Variants in USH2A observed in about 807,000 individuals in gnomAD.
USH2A encodes usherin.
USH2A carries 443 observed loss-of-function variants against 538.9 expected under a neutral mutation model. The ratio of observed to expected loss-of-function variants is 0.82; its 90% CI spans 0.76 to 0.89. The LOEUF is 0.89. Among genes scored for constraint, USH2A ranks in the 40% least tolerant of loss-of-function variants. USH2A has a pLI of 0.00. For synonymous variants in USH2A, 2,413 were observed against 2,273.5 expected (o/e 1.06, Z -1.75); for missense variants, 6,633 against 6,324.8 (o/e 1.05, Z -1.65).
intron 58 of USH2A, among the ~76,000 whole-genome samples, chr1:215,756,025 C>T (rs575940780): frequency 3.9e-5 from 6 of 152,088 alleles, no homozygotes; most frequent in Non-Finnish European, 5.9e-5. Flanking sequence ...GGAACAAATA[C>T]GTTTTAAAAA....
chr1:216,210,316 C>T (rs928472365), intron 15 of USH2A, among the ~76,000 whole-genome samples: 20 of 152,076 alleles, frequency 1.3e-4, no homozygotes, highest in Non-Finnish European at 2.1e-4. Flanking sequence ...TGACAAACTG[C>T]GTCTGCACCC....
intron 61 of USH2A, among the ~76,000 whole-genome samples, chr1:215,682,138 G>C (rs927461937): frequency 3.9e-5 from 6 of 152,130 alleles, no homozygotes; most frequent in Non-Finnish European, 8.8e-5. Flanking sequence ...TGTGGAAATA[G>C]GGCAAACATG....
intron 64 of USH2A, among the ~76,000 whole-genome samples, chr1:215,662,016 G>T (rs1362436465): frequency 1.3e-5 from 2 of 152,302 alleles, no homozygotes; most frequent in South Asian, 4.2e-4. Context: ...CCCTGAAGGG[G>T]AGAGTGCATG....
chr1:215,868,599 T>C (rs998306002), intron 43 of USH2A, among the ~76,000 whole-genome samples: 1 of 152,212 alleles, frequency 6.6e-6, no homozygotes, highest in Non-Finnish European at 1.5e-5. Flanking sequence ...CCCAAGCCCC[T>C]GGTCCCTGTG....
chr1:215,944,667 T>C (rs1666715575), intron 37 of USH2A, among the ~76,000 whole-genome samples: 1 of 152,174 alleles, frequency 6.6e-6, no homozygotes, highest in African/African-American at 2.4e-5. Flanking sequence ...CTGGCTTATA[T>C]GGCTTATACA....
Position 215,804,780 on chromosome 1 carries a change from C to G in USH2A, c.9740-5655G>C, listed in dbSNP as rs142075427. Among the ~76,000 whole-genome samples, 587 of 152,282 alleles carry G rather than the reference C, an allele frequency of 3.9e-3. 5 individuals are homozygous for G. Among genetic ancestry groups the G allele is most frequent in the African/African-American group, 0.013 (532 of 41,548 alleles). On this transcript the variant is annotated intron_variant, in intron 49 of 71. Transcript: ENST00000307340. ...ACCATTTGACCCAGCCATCCCATTA[C>G]TGGGTACATACTCAAAGGATTGTAA... is the stretch of plus-strand genomic sequence containing the variant.
At position 215,680,292 on chromosome 1, in the gene USH2A, C is replaced by A. The variant is rs1262416703; in HGVS notation, c.12151G>T (p.Glu4051Ter). ...ATCAGAGTCCAAGGGCTTAAAATTTCTCCTGCATGGTTTGCAGCCACAACA... is the reference window on the plus strand; with the variant it reads ...ATCAGAGTCCAAGGGCTTAAAATTTATCCTGCATGGTTTGCAGCCACAACA... Reference protein sequence around the residue: ...IGVVAANHAGEILSPWTLIQT... With the variant: ...IGVVAANHAG The change falls in exon 62 of 72, where the codon GAA becomes TAA. Residue 4051 changes from glutamate (E) to a stop codon, truncating the protein, a stop_gained. Coordinates refer to ENST00000307340, the MANE Select transcript of USH2A (RefSeq NM_206933.4). LOFTEE classifies it high-confidence loss of function. 1 of 1,614,026 alleles carries A rather than the reference C, an allele frequency of 6.2e-7. No homozygotes were observed. Among genetic ancestry groups the A allele is most frequent in the African/African-American group, 1.3e-5 (1 of 74,918 alleles).
intron 14 of USH2A, among the ~76,000 whole-genome samples, chr1:216,218,730 T>A (rs1215730498): frequency 6.6e-6 from 1 of 152,046 alleles, no homozygotes. Flanking sequence ...TAAAAGGACA[T>A]TTTCCCCCTT....
intron 38 of USH2A, among the ~76,000 whole-genome samples, chr1:215,932,474 G>A (rs1426637823): frequency 6.6e-6 from 1 of 151,972 alleles, no homozygotes; most frequent in Non-Finnish European, 1.5e-5. Context: ...GTAAAAGGAA[G>A]CATGAACTAA....
chr1:215,741,568 A>G lies in USH2A; in HGVS notation c.11549-31T>C, dbSNP rs758636036. On this transcript the variant is annotated intron_variant, in intron 59 of 71. Coordinates refer to ENST00000307340, the MANE Select transcript of USH2A (RefSeq NM_206933.4). ...AAAAAAAAAAATTGAGGTCTTTATT[A>G]TTTTTCAAGCAAGGAAAAGAACTAC... The G allele has an allele frequency of 5.6e-6, 9 of 1,608,790 alleles. No homozygotes were observed. The East Asian group carries it at 2.0e-4, about 36-fold the overall frequency.
intron 21 of USH2A, among the ~76,000 whole-genome samples, chr1:216,143,612 G>A (rs1224195487): frequency 6.6e-6 from 1 of 151,982 alleles, no homozygotes; most frequent in Non-Finnish European, 1.5e-5. Context: ...GTTTTCAAAA[G>A]CACATAATTA....
chr1:215,792,969 A>G (rs1038806244), intron 50 of USH2A, among the ~76,000 whole-genome samples: 1 of 152,184 alleles, frequency 6.6e-6, no homozygotes, highest in African/African-American at 2.4e-5. Flanking sequence ...ACATTAAACT[A>G]GTAGGTGTTT....
chr1:216,346,471 A>G (rs2038177874), intron 4 of USH2A, among the ~76,000 whole-genome samples: 1 of 152,116 alleles, frequency 6.6e-6, no homozygotes, highest in Admixed American at 6.6e-5. Flanking sequence ...ACTTTACATT[A>G]GGAAAGAGCT....
intron 21 of USH2A, among the ~76,000 whole-genome samples, chr1:216,131,619 A>C (rs752094731): frequency 6.6e-6 from 1 of 152,076 alleles, no homozygotes; most frequent in Non-Finnish European, 1.5e-5. Flanking sequence ...CCAGTATGTT[A>C]TATTAGCAAA....
chr1:216,265,906 G>A (rs2036463098), intron 11 of USH2A, among the ~76,000 whole-genome samples: 1 of 152,018 alleles, frequency 6.6e-6, no homozygotes, highest in Non-Finnish European at 1.5e-5. Context: ...AGGATAGCAG[G>A]GAGAAGGGGA....
chr1:216,251,105 A>C lies in USH2A; in HGVS notation c.1972-7T>G, dbSNP rs2036153568. 6.2e-7 allele frequency: 1 copy of C among 1,613,830 alleles called. No homozygotes were observed. The highest frequency in any genetic ancestry group is 8.5e-7 in the Non-Finnish European group (1 of 1,179,908). On this transcript the variant is annotated splice_region_variant and splice_polypyrimidine_tract_variant and intron_variant, in intron 11 of 71. Transcript: ENST00000307340. ...AATTACACTGTCCTCCAATCTAGAG[A>C]AGATACAACATTTTGTAGAATGATG... is the stretch of plus-strand genomic sequence containing the variant.
Position 215,674,190 on chromosome 1 carries a change from T to C in USH2A, c.13721A>G (p.Glu4574Gly). Residue 4574 changes from glutamate (E) to glycine (G), a missense_variant, in exon 63 of 72, where the codon GAA (glutamate) becomes GGA (glycine). By Grantham distance (98) the Glu-to-Gly change is moderately conservative. Transcript: ENST00000307340. ...TATGTGTATGATTTTAGTTTCTCTT[T>C]CAAATAGTTCACGGATGAAGAGGGT... ...NYTLFIRELFERETKIIHINT... is the reference protein window; with the variant it reads ...NYTLFIRELFGRETKIIHINT... 6.2e-7 allele frequency: 1 copy of C among 1,614,148 alleles called. No homozygotes were observed. Among genetic ancestry groups the C allele is most frequent in the Middle Eastern group, 1.6e-4 (1 of 6,062 alleles).
intron 16 of USH2A, among the ~76,000 whole-genome samples, chr1:216,203,788 A>G (rs2035051040): frequency 1.3e-5 from 2 of 152,312 alleles, no homozygotes; most frequent in African/African-American, 4.8e-5. Context: ...TAAAATTCTA[A>G]GCTTAAACTA....
intron 46 of USH2A, among the ~76,000 whole-genome samples, chr1:215,841,315 C>A (rs12126534): frequency 0.039 from 5,996 of 152,176 alleles, 144 homozygotes; most frequent in African/African-American, 0.069. Flanking sequence ...CTACAGTAAC[C>A]AAAACAGCAT....
Sources: allele counts gnomAD v4.1 joint callset (sites outside exome capture counted in the v4.1 genomes callset), GRCh38; gene constraint gnomAD v4.1.1; transcripts MANE v1.5; gene names NCBI Gene and HGNC (gene_info 2026-07-23, HGNC 2026-07-21).